Variants in SFMBT1 observed in about 807,000 individuals in gnomAD.
SFMBT1 encodes Scm like with four mbt domains 1, also known as scm-like with four MBT domains protein 1.
In SFMBT1, 32 loss-of-function variants were observed where a neutral mutation model predicts 108.7. The ratio of observed to expected loss-of-function variants is 0.29; its 90% CI spans 0.22 to 0.40. SFMBT1 has a LOEUF of 0.40. Ranked by LOEUF, SFMBT1 falls within the 10% of genes least tolerant of loss-of-function variation. The probability of loss-of-function intolerance (pLI) is 1.00; values close to 1 mark genes in which losing one functional copy is unlikely to be tolerated. For synonymous variants in SFMBT1, 348 were observed against 369.5 expected, an observed-to-expected ratio of 0.94 and a Z score of 0.67; for missense variants, 816 against 1,059.6, an observed-to-expected ratio of 0.77 and a Z score of 3.19.
Position 52,907,028 on chromosome 3 carries a change from G to T in SFMBT1, c.2331+41C>A, listed in dbSNP as rs1310290186. 3 of 1,566,630 alleles carry T rather than the reference G, an allele frequency of 1.9e-6. No homozygotes were observed. The South Asian group carries it at 3.7e-5, about 19-fold the overall frequency. Reference sequence around the variant, plus strand: ...AATCATATTCCAGATGGAAATTCCAGAGAGAAAGAAAGAAAAAAGAAACTA... The same window carrying T: ...AATCATATTCCAGATGGAAATTCCATAGAGAAAGAAAGAAAAAAGAAACTA... On this transcript the variant is annotated intron_variant, in intron 19 of 20. Transcript: ENST00000394752.
chr3:52,912,670 AAC>A, intron 15 of SFMBT1, 23 bp from the exon 16 acceptor site: 1 of 1,556,906 alleles, frequency 6.4e-7, no homozygotes, highest in Non-Finnish European at 8.9e-7. Context: ...TTAAAGCAGA[AAC>A]ACAGATTGGG....
chr3:52,934,846 T>C lies in SFMBT1; in HGVS notation c.420A>G (p.Gly140=). 6.2e-7 allele frequency: 1 copy of C among 1,613,762 alleles called. No homozygotes were observed. The highest frequency in any genetic ancestry group is 8.5e-7 in the Non-Finnish European group (1 of 1,179,838). Residue 140 remains glycine (G), a synonymous_variant, in exon 5 of 21, where the codon GGA becomes GGG. Transcript: ENST00000394752. ...WDEFLRQTLI[G]ACSPPVPLLE... is the part of the protein sequence containing the mutation. ...GCAGCGGAACAGGAGGACTACATGCTCCTATCAGGGTCTGCCGCAGAAACT... is the reference window on the plus strand; with the variant it reads ...GCAGCGGAACAGGAGGACTACATGCCCCTATCAGGGTCTGCCGCAGAAACT...
At chr3:52,930,466 G>GT in intron 7 of SFMBT1, 36 bp from the exon 8 acceptor site, 1 of 1,151,590 alleles carries the variant, frequency 8.7e-7, no homozygotes, top group Non-Finnish European at 1.3e-6. Context: ...TGAAAACATA[G>GT]TATCTGTATC....
chr3:53,003,431 T>C (rs1559545513), intron 1 of SFMBT1, among the ~76,000 whole-genome samples: 1 of 150,170 alleles, frequency 6.7e-6, no homozygotes, highest in East Asian at 1.9e-4. Flanking sequence ...AACAGTGCAA[T>C]GAGGGACGCA....
At chr3:53,044,076 G>A (rs1037422972) in intron 1 of SFMBT1, among the ~76,000 whole-genome samples, 2 of 152,038 alleles carry the variant, frequency 1.3e-5, no homozygotes, top group African/African-American at 2.4e-5. Flanking sequence ...AAGATCTTTC[G>A]GTAGGTTATA....
chr3:53,021,099 G>A (rs745474460), intron 1 of SFMBT1, among the ~76,000 whole-genome samples: 4 of 152,156 alleles, frequency 2.6e-5, no homozygotes, highest in Admixed American at 2.6e-4. Flanking sequence ...TATTGGCTAC[G>A]TTGAGCCTAA....
chr3:52,955,508 A>T (rs1703749876), intron 2 of SFMBT1, among the ~76,000 whole-genome samples: 1 of 152,088 alleles, frequency 6.6e-6, no homozygotes, highest in African/African-American at 2.4e-5. Context: ...ACAATAAAAA[A>T]TGATAAAGGA....
intron 1 of SFMBT1, among the ~76,000 whole-genome samples, chr3:53,032,341 G>A (rs1038956407): frequency 1.3e-5 from 2 of 152,220 alleles, no homozygotes; most frequent in Admixed American, 6.5e-5. Flanking sequence ...CTGCACTCCA[G>A]CCTGGGTGAC....
chr3:53,029,171 CAAAAAAAA>C lies in SFMBT1; in HGVS notation c.-131+16637_-131+16644del, dbSNP rs60211879. ...TGGGCGACAGAGCGAGACTCCGTCT[CAAAAAAAA>C]AAAAAAAAAAAAAAAGTCATGGGCT... On this transcript the variant is annotated intron_variant, in intron 1 of 20. Coordinates refer to ENST00000394752, the MANE Select transcript of SFMBT1 (RefSeq NM_016329.4). 6.1e-5 allele frequency among the ~76,000 whole-genome samples: 3 copies of C among 49,094 alleles called. No homozygotes were observed. In the South Asian group the frequency reaches 2.1e-3, roughly 34 times the overall value. 32.2% of individuals were successfully genotyped at this position (49,094 alleles called of 152,430 possible).
chr3:52,945,136 T>TAAAAAAAAAAAAAACAAAAAAAA (rs1703316815), intron 3 of SFMBT1, among the ~76,000 whole-genome samples: 1 of 48,512 alleles, frequency 2.1e-5, no homozygotes, highest in Non-Finnish European at 4.5e-5. Flanking sequence ...ACCTTCCAAT[T>TAAAAAAAAAAAAAACAAAAAAAA]AAAAAAAAAA....
chr3:52,947,562 C>T (rs1291706177), intron 3 of SFMBT1, among the ~76,000 whole-genome samples: 3 of 152,126 alleles, frequency 2.0e-5, no homozygotes, highest in South Asian at 2.1e-4. Context: ...AAGTTCCTTA[C>T]CCATTTTTAA....
intron 3 of SFMBT1, 53 bp downstream of exon 3, chr3:52,954,264 G>A (rs1703702521): frequency 1.1e-5 from 14 of 1,274,374 alleles, no homozygotes; most frequent in South Asian, 1.3e-5. Context: ...ATAATACAGA[G>A]ATTCGAAATA....
intron 13 of SFMBT1, among the ~76,000 whole-genome samples, chr3:52,916,711 A>C (rs1299148699): frequency 6.6e-6 from 1 of 151,878 alleles, no homozygotes; most frequent in Non-Finnish European, 1.5e-5. Flanking sequence ...ACAACAAAAA[A>C]CTACAACAAC....
At chr3:52,938,747 G>C (rs895894785) in intron 4 of SFMBT1, among the ~76,000 whole-genome samples, 2 of 151,788 alleles carry the variant, frequency 1.3e-5, no homozygotes, top group Non-Finnish European at 2.9e-5. Context: ...AGAGCATACA[G>C]CTATTATATA....
chr3:52,910,069 A>G (rs912936464), intron 17 of SFMBT1, among the ~76,000 whole-genome samples: 3 of 152,004 alleles, frequency 2.0e-5, no homozygotes, highest in African/African-American at 7.3e-5. Flanking sequence ...TACCTGTCAG[A>G]AAGACTTCCC....
At chr3:52,931,283 A>T (rs1290382617) in intron 6 of SFMBT1, among the ~76,000 whole-genome samples, 1 of 152,218 alleles carries the variant, frequency 6.6e-6, no homozygotes, top group Non-Finnish European at 1.5e-5. Flanking sequence ...GTTGTAATCC[A>T]TAAAATTGTA....
intron 1 of SFMBT1, among the ~76,000 whole-genome samples, chr3:53,009,636 G>A (rs1698875440): frequency 1.3e-5 from 2 of 152,072 alleles, no homozygotes; most frequent in African/African-American, 4.8e-5. Flanking sequence ...GAACAACACA[G>A]GCGTCAGGAT....
intron 1 of SFMBT1, among the ~76,000 whole-genome samples, chr3:52,990,527 C>A (rs1705083091): frequency 6.6e-6 from 1 of 152,194 alleles, no homozygotes; most frequent in Non-Finnish European, 1.5e-5. Context: ...GAAAAAAAAT[C>A]AATAAGCCAT....
At chr3:52,990,218 T>C (rs1705076319) in intron 1 of SFMBT1, among the ~76,000 whole-genome samples, 2 of 152,230 alleles carry the variant, frequency 1.3e-5, no homozygotes, top group African/African-American at 4.8e-5. Context: ...TAAAAGGTTT[T>C]TCCTCAGTTT....
Sources: gnomAD v4.1 joint callset for allele counts (sites outside exome capture counted in the v4.1 genomes callset) on GRCh38, gnomAD v4.1.1 for gene constraint, MANE v1.5 for transcripts, NCBI Gene and HGNC (gene_info 2026-07-23, HGNC 2026-07-21) for gene names.